NKAIN2: variants seen among roughly 807,000 people sequenced by gnomAD.
NKAIN2 encodes sodium/potassium transporting ATPase interacting 2, also known as sodium/potassium-transporting ATPase subunit beta-1-interacting protein 2.
A neutral mutation model predicts 32.6 loss-of-function variants in NKAIN2; 14 were observed. The ratio of observed to expected loss-of-function variants is 0.43; its 90% CI spans 0.28 to 0.67. NKAIN2 has a LOEUF of 0.67. Among genes scored for constraint, NKAIN2 ranks in the 30% least tolerant of loss-of-function variants. The pLI, the probability that NKAIN2 is intolerant of heterozygous loss-of-function variation, is 0.17. For synonymous variants in NKAIN2, 80 were observed against 87.2 expected (o/e 0.92, Z 0.46); for missense variants, 198 against 258.3 (o/e 0.77, Z 1.60).
chr6:124,631,137 C>A (rs17052193), intron 3 of NKAIN2, among the ~76,000 whole-genome samples: 11,683 of 152,126 alleles, frequency 0.077, 611 homozygotes, highest in East Asian at 0.18. Context: ...ATTAAAATTG[C>A]TCCATTTCAC....
At chr6:124,796,289 G>A (rs548258964) in intron 5 of NKAIN2, among the ~76,000 whole-genome samples, 7 of 152,196 alleles carry the variant, frequency 4.6e-5, no homozygotes, top group Admixed American at 1.3e-4. Context: ...CCTTGTAGAC[G>A]GCACTTTCTG....
At chr6:124,279,295 C>T (rs956038017) in intron 1 of NKAIN2, among the ~76,000 whole-genome samples, 2 of 152,010 alleles carry the variant, frequency 1.3e-5, no homozygotes, top group Non-Finnish European at 1.5e-5. Context: ...ATCATGAGGT[C>T]AGGAAATCGA....
chr6:124,749,451 C>G (rs796462656), intron 4 of NKAIN2, among the ~76,000 whole-genome samples: 23 of 152,014 alleles, frequency 1.5e-4, no homozygotes, highest in African/African-American at 5.3e-4. Context: ...ATCTCAACAA[C>G]AAATTTATAA....
chr6:124,386,270 T>G (rs527576326), intron 3 of NKAIN2, among the ~76,000 whole-genome samples: 1 of 152,232 alleles, frequency 6.6e-6, no homozygotes, highest in African/African-American at 2.4e-5. Flanking sequence ...CTTGGCTAAC[T>G]TTCTCAAAAC....
At chr6:123,915,894 C>T (rs1248135586) in intron 1 of NKAIN2, among the ~76,000 whole-genome samples, 1 of 152,170 alleles carries the variant, frequency 6.6e-6, no homozygotes, top group Non-Finnish European at 1.5e-5. Flanking sequence ...TATTTCAACA[C>T]ATCAACCTCC....
intron 4 of NKAIN2, among the ~76,000 whole-genome samples, chr6:124,769,483 T>C (rs1778655964): frequency 3.3e-5 from 5 of 152,166 alleles, no homozygotes. Flanking sequence ...TGATAGTTTT[T>C]GCATGCCTAT....
intron 3 of NKAIN2, among the ~76,000 whole-genome samples, chr6:124,440,130 G>A (rs1775629213): frequency 6.6e-6 from 1 of 152,078 alleles, no homozygotes; most frequent in Non-Finnish European, 1.5e-5. Flanking sequence ...CCTGCCCATA[G>A]AGAGCAGACA....
chr6:124,161,711 C>T (rs1422376581), intron 1 of NKAIN2, among the ~76,000 whole-genome samples: 1 of 152,054 alleles, frequency 6.6e-6, no homozygotes, highest in African/African-American at 2.4e-5. Context: ...TTTGATACCA[C>T]ATGTTCTCAC....
At chr6:124,133,013 A>G (rs186716209) in intron 1 of NKAIN2, among the ~76,000 whole-genome samples, 77 of 152,294 alleles carry the variant, frequency 5.1e-4, no homozygotes, top group South Asian at 1.4e-3. Context: ...CAACAGGGAC[A>G]CAATTGCAGT....
At chr6:124,169,838 A>G (rs1582782643) in intron 1 of NKAIN2, among the ~76,000 whole-genome samples, 1 of 152,178 alleles carries the variant, frequency 6.6e-6, no homozygotes, top group Non-Finnish European at 1.5e-5. Context: ...TTCACCCCAG[A>G]CTCACTTATT....
At chr6:123,829,022 A>T (rs1354773861) in intron 1 of NKAIN2, 1 of 152,204 alleles carries the variant, frequency 6.6e-6, no homozygotes, top group Non-Finnish European at 1.5e-5. Flanking sequence ...AAAAACAGGA[A>T]TATATGAAAA....
At chr6:124,453,409 T>C (rs902312738) in intron 3 of NKAIN2, among the ~76,000 whole-genome samples, 1 of 146,722 alleles carries the variant, frequency 6.8e-6, no homozygotes, top group Non-Finnish European at 1.5e-5. Context: ...AAGCAATGAA[T>C]ACACAAGGAG....
In NKAIN2 at chr6:124,640,104, C is replaced by T. The variant is rs538942239; in HGVS notation, c.274-18082C>T. On this transcript the variant is annotated intron_variant, in intron 3 of 6. Transcript: ENST00000368417. Reference sequence around the variant, plus strand: ...ACACATACAATTACTACGTGTCAACCGAAAATAGAAGCAAAACTAATTTCT... The same window carrying T: ...ACACATACAATTACTACGTGTCAACTGAAAATAGAAGCAAAACTAATTTCT... 6.6e-5 allele frequency among the ~76,000 whole-genome samples: 10 copies of T among 151,936 alleles called. No individual in the cohort carries two copies. The East Asian group carries it at 9.7e-4, about 15-fold the overall frequency.
chr6:124,215,790 C>G (rs1192255116), intron 1 of NKAIN2, among the ~76,000 whole-genome samples: 1 of 152,068 alleles, frequency 6.6e-6, no homozygotes, highest in Non-Finnish European at 1.5e-5. Flanking sequence ...TACATGAGAT[C>G]CAGAAACTAG....
intron 2 of NKAIN2, among the ~76,000 whole-genome samples, chr6:124,349,646 T>G (rs1205111294): frequency 6.6e-6 from 1 of 152,198 alleles, no homozygotes; most frequent in Non-Finnish European, 1.5e-5. Flanking sequence ...CTCACCTCCT[T>G]TTCTAATTAA....
intron 1 of NKAIN2, among the ~76,000 whole-genome samples, chr6:123,830,353 C>G (rs1222677766): frequency 6.6e-6 from 1 of 152,166 alleles, no homozygotes; most frequent in Non-Finnish European, 1.5e-5. Flanking sequence ...TCCTGTTGCT[C>G]TAGGCGTAAA....
intron 2 of NKAIN2, among the ~76,000 whole-genome samples, chr6:124,285,488 C>T (rs1582989910): frequency 6.6e-6 from 1 of 152,222 alleles, no homozygotes; most frequent in South Asian, 2.1e-4. Flanking sequence ...CATGAGTCTT[C>T]TTTTCTCCAG....
intron 3 of NKAIN2, among the ~76,000 whole-genome samples, chr6:124,374,852 T>C (rs1436756407): frequency 1.3e-5 from 2 of 152,062 alleles, no homozygotes; most frequent in African/African-American, 4.8e-5. Flanking sequence ...GAAAATTAGT[T>C]CTAAAATGAT....
chr6:124,681,223 T>C (rs1430802677), intron 4 of NKAIN2, among the ~76,000 whole-genome samples: 3 of 152,020 alleles, frequency 2.0e-5, no homozygotes, highest in Non-Finnish European at 4.4e-5. Context: ...CTAAGAAATA[T>C]AACCTAGGGC....
Sources: allele counts gnomAD v4.1 joint callset (sites outside exome capture counted in the v4.1 genomes callset), GRCh38; gene constraint gnomAD v4.1.1; transcripts MANE v1.5; gene names NCBI Gene and HGNC (gene_info 2026-07-23, HGNC 2026-07-21).